Variants in TBC1D12 observed in about 807,000 individuals in gnomAD.
TBC1D12 encodes the protein TBC1 domain family, member 12.
TBC1D12 carries 56 observed loss-of-function variants against 86.7 expected under a neutral mutation model. The observed-to-expected ratio is 0.65, with a 90% CI of 0.52 to 0.81. The LOEUF is 0.81. Ranked by LOEUF, TBC1D12 falls within the 30% of genes least tolerant of loss-of-function variation. The pLI is 0.00. For synonymous variants in TBC1D12, 421 were observed against 411.7 expected (o/e 1.02, Z -0.27); for missense variants, 1,023 against 1,038.8 (o/e 0.98, Z 0.21).
At chr10:94,483,292 T>C (rs1270937920) in intron 3 of TBC1D12, among the ~76,000 whole-genome samples, 1 of 152,198 alleles carries the variant, frequency 6.6e-6, no homozygotes, top group African/African-American at 2.4e-5. Flanking sequence ...GTGGGATTGC[T>C]GGATCATATG....
intron 2 of TBC1D12, chr10:94,447,534 C>A: frequency 1.2e-6 from 1 of 858,038 alleles, no homozygotes; most frequent in Non-Finnish European, 1.4e-6. Context: ...AGGATTATAG[C>A]AAAATCAAAC....
chr10:94,532,897 G>T, intron 12 of TBC1D12, 131 bp from the exon 13 acceptor site: 1 of 517,350 alleles, frequency 1.9e-6, no homozygotes, highest in Non-Finnish European at 3.3e-6. Context: ...GGGGATTTGA[G>T]AATGACACAC....
At position 94,414,146 on chromosome 10, in the gene TBC1D12, T is replaced by C. The variant is rs1445058341; in HGVS notation, c.971+10562T>C. Among the ~76,000 whole-genome samples the C allele has an allele frequency of 2.0e-5, 3 of 152,192 alleles. No homozygotes were observed. The East Asian group carries it at 5.8e-4, about 29-fold the overall frequency. ...GAATATAAAATAAAGCTAAAGATAATACATTGTTTCCACGTTATTCTTGTT... is the reference window on the plus strand; with the variant it reads ...GAATATAAAATAAAGCTAAAGATAACACATTGTTTCCACGTTATTCTTGTT... On this transcript the variant is annotated intron_variant, in intron 1 of 12. Transcript: ENST00000225235.
At chr10:94,503,012 C>A (rs2056418629) in intron 6 of TBC1D12, among the ~76,000 whole-genome samples, 1 of 151,996 alleles carries the variant, frequency 6.6e-6, no homozygotes, top group African/African-American at 2.4e-5. Context: ...TAAAGCTTTT[C>A]TTTTTTATTT....
rs934543269 is a variant in TBC1D12 at position 94,507,462 on chromosome 10, C to T, written c.1600+115C>T. ...TCATCTTATTTAATCTTAACCCTTT[C>T]AGTAAACAAGGCTAGAAAAAAGACT... On this transcript the variant is annotated intron_variant, in intron 7 of 12. Coordinates refer to ENST00000225235, the MANE Select transcript of TBC1D12 (RefSeq NM_015188.2). The T allele has an allele frequency of 1.3e-5, 12 of 948,620 alleles. No individual in the cohort carries two copies. In the African/African-American group the frequency reaches 1.5e-4, roughly 12 times the overall value. The allele number at this position is 948,620 out of a possible 1,614,324, so 58.8% of individuals were successfully genotyped here.
At chr10:94,530,237 C>T (rs1253792088) in intron 11 of TBC1D12, among the ~76,000 whole-genome samples, 1 of 152,144 alleles carries the variant, frequency 6.6e-6, no homozygotes, top group Non-Finnish European at 1.5e-5. Flanking sequence ...CCCACTTCCC[C>T]CAACCAGAAT....
chr10:94,434,476 A>G lies in TBC1D12; in HGVS notation c.972-7420A>G, dbSNP rs200080769. Among the ~76,000 whole-genome samples the G allele has an allele frequency of 2.6e-5, 4 of 151,636 alleles. No homozygotes were observed. In the East Asian group the frequency reaches 7.8e-4, roughly 29 times the overall value. ...AGCCAAGACTGTGCTGCTGCACTCC[A>G]GCCTGGACGACACAGCAAGACTCCA... On this transcript the variant is annotated intron_variant, in intron 1 of 12. Coordinates refer to ENST00000225235, the MANE Select transcript of TBC1D12 (RefSeq NM_015188.2).
In TBC1D12 at chr10:94,448,588, C is replaced by T. The variant is rs138535083; in HGVS notation, c.1095+6569C>T. On this transcript the variant is annotated intron_variant, in intron 2 of 12. Coordinates refer to ENST00000225235, the MANE Select transcript of TBC1D12 (RefSeq NM_015188.2). ...ACCTCCTGGGTTCAAACGATCCTCC[C>T]ACCTTAGCCTCCCTGGTAGCTGAGA... Among the ~76,000 whole-genome samples the T allele has an allele frequency of 7.6e-3, 1,159 of 152,236 alleles. 16 individuals are homozygous for T. The highest frequency in any genetic ancestry group is 0.027 in the African/African-American group (1,108 of 41,534).
intron 2 of TBC1D12, among the ~76,000 whole-genome samples, chr10:94,460,636 G>A (rs1079504): frequency 0.38 from 57,105 of 150,580 alleles, 11,234 homozygotes; most frequent in East Asian, 0.7. Flanking sequence ...TTGATTTGGT[G>A]TTGACATTAA....
chr10:94,419,756 G>T (rs1416943932), intron 1 of TBC1D12, among the ~76,000 whole-genome samples: 2 of 152,110 alleles, frequency 1.3e-5, no homozygotes, highest in Non-Finnish European at 2.9e-5. Context: ...TGTTTAAAAA[G>T]CCTTAACCAG....
intron 12 of TBC1D12, among the ~76,000 whole-genome samples, chr10:94,531,759 T>TTTATGTTATTTTATG (rs1554951689): frequency 1.5e-5 from 1 of 66,560 alleles, no homozygotes; most frequent in Non-Finnish European, 3.7e-5. Flanking sequence ...GTTATTTTAT[T>TTTATGTTATTTTATG]TTATTTTATT....
At chr10:94,522,295 A>G (rs1842172987) in intron 10 of TBC1D12, 49 bp from the exon 11 acceptor site, 1 of 1,144,290 alleles carries the variant, frequency 8.7e-7, no homozygotes, top group Admixed American at 2.9e-5. Context: ...TAATTTCTTT[A>G]TTTCTAGACT....
At position 94,403,452 on chromosome 10, in the gene TBC1D12, G is replaced by A; in HGVS notation, c.839G>A (p.Ser280Asn). Residue 280 changes from serine to asparagine, a missense_variant, in exon 1 of 13, where the codon AGC becomes AAC. Coordinates refer to ENST00000225235, the MANE Select transcript of TBC1D12 (RefSeq NM_015188.2). ...HFNSRNTFQV[S>N]RGQSARDHLP... is the part of the protein sequence containing the mutation. ...AACTCTCGCAACACGTTCCAGGTGA[G>A]CCGCGGTCAGAGCGCCCGCGATCAC... The A allele has an allele frequency of 6.5e-7, 1 of 1,545,112 alleles. No individual in the cohort carries two copies.
intron 3 of TBC1D12, among the ~76,000 whole-genome samples, chr10:94,479,248 AAAT>A (rs925893764): frequency 6.6e-6 from 1 of 152,200 alleles, no homozygotes; most frequent in Admixed American, 6.5e-5. Context: ...CAAAAGAAAA[AAAT>A]AATATTACCC....
intron 1 of TBC1D12, among the ~76,000 whole-genome samples, chr10:94,439,407 C>T (rs918121552): frequency 6.6e-6 from 1 of 152,140 alleles, no homozygotes; most frequent in African/African-American, 2.4e-5. Flanking sequence ...TGAGAACTGT[C>T]TGGCCTGTGT....
intron 4 of TBC1D12, among the ~76,000 whole-genome samples, chr10:94,495,377 C>T (rs2056301843): frequency 6.6e-6 from 1 of 152,108 alleles, no homozygotes; most frequent in Non-Finnish European, 1.5e-5. Context: ...CTATGTTGCC[C>T]AGGCTGGTCT....
rs757790042 is a variant in TBC1D12 at position 94,510,166 on chromosome 10, A to G, written c.1676A>G (p.Tyr559Cys). 2.7e-5 allele frequency: 43 copies of G among 1,594,058 alleles called. No individual in the cohort carries two copies. The highest frequency in any genetic ancestry group is 3.5e-5 in the Non-Finnish European group (41 of 1,174,630). Residue 559 changes from tyrosine to cysteine, a missense_variant, in exon 8 of 13, where the codon TAC (tyrosine) becomes TGC (cysteine). By Grantham distance (194) the Tyr-to-Cys change is radical. Coordinates refer to ENST00000225235, the MANE Select transcript of TBC1D12 (RefSeq NM_015188.2). The part of the protein sequence containing the change: ...LDISRTFPSL[Y>C]IFQKGGPYHD... ...ATATCCCGTACATTTCCATCTCTCT[A>G]CATCTTTCAGAAGGTGAGGGTTTCT...
intron 7 of TBC1D12, chr10:94,508,662 T>G (rs2134202665): frequency 6.6e-6 from 1 of 152,324 alleles, no homozygotes; most frequent in South Asian, 2.1e-4. Context: ...CCATCCCATG[T>G]TCCTTCCGCC....
intron 1 of TBC1D12, among the ~76,000 whole-genome samples, chr10:94,419,533 C>T (rs113178557): frequency 0.025 from 3,820 of 151,880 alleles, 163 homozygotes; most frequent in African/African-American, 0.085. Context: ...ATTAGCTGGA[C>T]GTGGTGGCGC....
Sources: gnomAD v4.1 joint callset for allele counts (sites outside exome capture counted in the v4.1 genomes callset) on GRCh38, gnomAD v4.1.1 for gene constraint, MANE v1.5 for transcripts, NCBI Gene and HGNC (gene_info 2026-07-23, HGNC 2026-07-21) for gene names.